Variants in GALNT17 observed in about 807,000 individuals in gnomAD.
GALNT17 encodes UDP-GalNAc:polypeptide N-acetylgalactosaminyltransferase-like 3.
A neutral mutation model predicts 63.7 loss-of-function variants in GALNT17; 29 were observed. The observed-to-expected ratio is 0.46, with a 90% CI of 0.34 to 0.62. GALNT17 has a LOEUF of 0.62. Ranked by LOEUF, GALNT17 falls within the 20% of genes least tolerant of loss-of-function variation. GALNT17 has a pLI of 0.01. For missense variants in GALNT17, 603 were observed against 799.6 expected, an observed-to-expected ratio of 0.75 and a Z score of 2.97; for synonymous variants, 305 against 318.3, an observed-to-expected ratio of 0.96 and a Z score of 0.45.
chr7:71,689,501 G>T (rs1791410507), intron 9 of GALNT17, among the ~76,000 whole-genome samples: 1 of 152,170 alleles, frequency 6.6e-6, no homozygotes, highest in Non-Finnish European at 1.5e-5. Flanking sequence ...GCCTAATCCA[G>T]AACAAGGGCC....
chr7:71,608,328 G>A (rs1790076014), intron 6 of GALNT17, among the ~76,000 whole-genome samples: 1 of 152,118 alleles, frequency 6.6e-6, no homozygotes, highest in African/African-American at 2.4e-5. Context: ...TGCCACTCAT[G>A]CAGTTGCTGG....
At chr7:71,448,351 G>A (rs568966039) in intron 5 of GALNT17, among the ~76,000 whole-genome samples, 5 of 147,726 alleles carry the variant, frequency 3.4e-5, no homozygotes, top group South Asian at 4.2e-4. Context: ...TCCTTACTTC[G>A]TGTGTATGTG....
intron 2 of GALNT17, among the ~76,000 whole-genome samples, chr7:71,363,804 G>A (rs545687134): frequency 6.6e-6 from 1 of 152,306 alleles, no homozygotes; most frequent in South Asian, 2.1e-4. Context: ...AGGTAGAGAA[G>A]CAGCTTCTTG....
chr7:71,470,097 T>A (rs1426135895), intron 5 of GALNT17, among the ~76,000 whole-genome samples: 1 of 152,122 alleles, frequency 6.6e-6, no homozygotes, highest in Non-Finnish European at 1.5e-5. Context: ...TAATCCCAGC[T>A]ACTCAGGTGG....
chr7:71,246,875 A>G (rs1790109169), intron 1 of GALNT17, among the ~76,000 whole-genome samples: 1 of 149,076 alleles, frequency 6.7e-6, no homozygotes, highest in Non-Finnish European at 1.5e-5. Flanking sequence ...AGAAGCTTGC[A>G]TCTGTCTGAA....
chr7:71,655,041 C>G (rs112345321), intron 6 of GALNT17, among the ~76,000 whole-genome samples: 34,009 of 151,976 alleles, frequency 0.22, 4,150 homozygotes, highest in Non-Finnish European at 0.27. Flanking sequence ...CCGCCCACCT[C>G]AGCCCCCGAA....
At chr7:71,321,910 C>CCTTTCTTCCTTT (rs1563001156) in intron 1 of GALNT17, among the ~76,000 whole-genome samples, 4 of 94,884 alleles carry the variant, frequency 4.2e-5, no homozygotes, top group Non-Finnish European at 9.0e-5. Context: ...TTCCTTCCTT[C>CCTTTCTTCCTTT]CTTCCTTCCT....
At chr7:71,686,018 G>A (rs551360397) in intron 9 of GALNT17, among the ~76,000 whole-genome samples, 6 of 123,066 alleles carry the variant, frequency 4.9e-5, no homozygotes, top group South Asian at 2.9e-4. Flanking sequence ...GCAGTGGTGC[G>A]ATCTTGGCTC....
intron 5 of GALNT17, among the ~76,000 whole-genome samples, chr7:71,512,535 G>T (rs1788377667): frequency 6.6e-6 from 1 of 152,110 alleles, no homozygotes; most frequent in African/African-American, 2.4e-5. Context: ...GTCAGCTTGG[G>T]CCATGAGCAG....
At chr7:71,454,515 G>A (rs1382550387) in intron 5 of GALNT17, among the ~76,000 whole-genome samples, 3 of 152,112 alleles carry the variant, frequency 2.0e-5, no homozygotes, top group Non-Finnish European at 4.4e-5. Context: ...TCTCATAAAT[G>A]GTTGCAGCCT....
chr7:71,583,686 CTA>C (rs1401445003), intron 6 of GALNT17, among the ~76,000 whole-genome samples: 1 of 151,942 alleles, frequency 6.6e-6, no homozygotes, highest in Non-Finnish European at 1.5e-5. Context: ...ACAGGCTGAT[CTA>C]TGTAGAAAGC....
intron 2 of GALNT17, among the ~76,000 whole-genome samples, chr7:71,384,521 T>G (rs946148278): frequency 6.6e-6 from 1 of 152,198 alleles, no homozygotes; most frequent in Non-Finnish European, 1.5e-5. Context: ...CTTCCAGAGC[T>G]CTGAGAGTTT....
At chr7:71,150,395 T>A (rs921247991) in intron 1 of GALNT17, among the ~76,000 whole-genome samples, 4 of 152,122 alleles carry the variant, frequency 2.6e-5, no homozygotes, top group Admixed American at 2.0e-4. Context: ...TAGGGCCATG[T>A]GATTGAGTTC....
At chr7:71,329,923 G>GTGTGTATATATATACACACATATA (rs1563007518) in intron 1 of GALNT17, among the ~76,000 whole-genome samples, 24 of 149,526 alleles carry the variant, frequency 1.6e-4, no homozygotes, top group African/African-American at 5.8e-4. Flanking sequence ...ATGTATGTGT[G>GTGTGTATATATATACACACATATA]TGTGTGTGTA....
At chr7:71,450,919 C>CT (rs796398074) in intron 5 of GALNT17, among the ~76,000 whole-genome samples, 2 of 102,158 alleles carry the variant, frequency 2.0e-5, no homozygotes, top group Admixed American at 1.3e-4. Context: ...TGGCGTTTTT[C>CT]TTTTTTTTAT....
chr7:71,195,030 T>C (rs1321432161), intron 1 of GALNT17, among the ~76,000 whole-genome samples: 1 of 152,160 alleles, frequency 6.6e-6, no homozygotes, highest in Non-Finnish European at 1.5e-5. Context: ...ATGGCATAAA[T>C]GGGGAGGCAA....
Position 71,712,810 on chromosome 7 carries a change from C to T in GALNT17, c.*664C>T, listed in dbSNP as rs1023026977. 3 of 152,560 alleles carry T rather than the reference C, an allele frequency of 2.0e-5. No homozygotes were observed. The highest frequency in any genetic ancestry group is 2.1e-4 in the South Asian group (1 of 4,822). The allele number at this position is 152,560 out of a possible 1,614,324, so 9.5% of individuals were successfully genotyped here. A position where few individuals can be genotyped will look rare whatever the true frequency, so the allele number is the denominator to read the frequency against. On this transcript the variant is annotated 3_prime_UTR_variant, in exon 11 of 11. Transcript: ENST00000333538. The stretch of plus-strand genomic sequence containing the variant: ...TAATCCCTGGGCACTAGGCTCTTAT[C>T]AGTGTGCTTGGGCCAGCTCTCCTGC...
intron 7 of GALNT17, among the ~76,000 whole-genome samples, chr7:71,669,719 G>A (rs1791039550): frequency 6.6e-6 from 1 of 151,842 alleles, no homozygotes; most frequent in Non-Finnish European, 1.5e-5. Context: ...CCACCACCAT[G>A]CCCAGCTAAT....
intron 6 of GALNT17, among the ~76,000 whole-genome samples, chr7:71,630,903 A>G (rs1346406831): frequency 6.6e-6 from 1 of 152,252 alleles, no homozygotes; most frequent in African/African-American, 2.4e-5. Context: ...ACCCAAGAAT[A>G]GTATGTGTTG....
Sources: allele counts gnomAD v4.1 joint callset (sites outside exome capture counted in the v4.1 genomes callset), GRCh38; gene constraint gnomAD v4.1.1; transcripts MANE v1.5; gene names NCBI Gene and HGNC (gene_info 2026-07-23, HGNC 2026-07-21).